Variants in DSCAM observed in about 807,000 individuals in gnomAD.
The protein encoded by DSCAM is DS cell adhesion molecule.
In DSCAM, 47 loss-of-function variants were observed where a neutral mutation model predicts 217.7. The observed-to-expected ratio is 0.22, with a 90% CI of 0.17 to 0.28. The LOEUF is 0.28. Ranked by LOEUF, DSCAM falls within the 10% of genes least tolerant of loss-of-function variation. The probability of loss-of-function intolerance (pLI) is 1.00; values close to 1 mark genes in which losing one functional copy is unlikely to be tolerated. For missense variants in DSCAM, 2,080 were observed against 2,618.3 expected (o/e 0.79, Z 4.49); for synonymous variants, 1,056 against 1,015.3 (o/e 1.04, Z -0.76).
chr21:40,813,062 C>T (rs558671193), intron 1 of DSCAM, among the ~76,000 whole-genome samples: 49 of 152,178 alleles, frequency 3.2e-4, no homozygotes, highest in African/African-American at 1.1e-3. Flanking sequence ...AAATGGGTTT[C>T]GACATGTCTT....
intron 3 of DSCAM, among the ~76,000 whole-genome samples, chr21:40,648,134 T>G (rs752955661): frequency 1.3e-5 from 2 of 152,126 alleles, no homozygotes; most frequent in Non-Finnish European, 2.9e-5. Context: ...ACTGAAAAGA[T>G]TCAATAACTG....
At chr21:40,405,494 T>C (rs1212568561) in intron 3 of DSCAM, among the ~76,000 whole-genome samples, 1 of 152,100 alleles carries the variant, frequency 6.6e-6, no homozygotes, top group African/African-American at 2.4e-5. Flanking sequence ...AAAGGGAACA[T>C]AGTGAAATGG....
chr21:40,557,520 A>G (rs1227109351), intron 3 of DSCAM, among the ~76,000 whole-genome samples: 2 of 151,840 alleles, frequency 1.3e-5, no homozygotes, highest in Admixed American at 6.6e-5. Context: ...GGGCCCGGCT[A>G]ATTTTTTGTA....
chr21:40,602,643 A>G (rs2146263870), intron 3 of DSCAM, among the ~76,000 whole-genome samples: 1 of 152,210 alleles, frequency 6.6e-6, no homozygotes, highest in South Asian at 2.1e-4. Flanking sequence ...CCCTTTAATT[A>G]TTATCCTTTT....
At chr21:40,358,644 T>TA in intron 4 of DSCAM, among the ~76,000 whole-genome samples, 1 of 151,848 alleles carries the variant, frequency 6.6e-6, no homozygotes. Flanking sequence ...CCGTCTCTAC[T>TA]AAAAATACAA....
intron 3 of DSCAM, among the ~76,000 whole-genome samples, chr21:40,418,898 C>T (rs1211414127): frequency 4.6e-5 from 7 of 151,992 alleles, no homozygotes; most frequent in Admixed American, 2.0e-4. Context: ...ATGAACTGGA[C>T]ATGAATATTC....
intron 6 of DSCAM, 28 bp downstream of exon 6, chr21:40,347,642 G>C (rs776945391): frequency 5.6e-6 from 9 of 1,611,786 alleles, no homozygotes; most frequent in South Asian, 1.1e-5. Flanking sequence ...TTCTTTTTCA[G>C]CCATACCCTG....
At chr21:40,425,273 C>T (rs1376812908) in intron 3 of DSCAM, among the ~76,000 whole-genome samples, 2 of 152,024 alleles carry the variant, frequency 1.3e-5, no homozygotes, top group Non-Finnish European at 2.9e-5. Flanking sequence ...TGCCTGTAAT[C>T]CCAGCACTTT....
chr21:40,784,475 T>C (rs897628886), intron 1 of DSCAM, among the ~76,000 whole-genome samples: 2 of 152,206 alleles, frequency 1.3e-5, no homozygotes, highest in African/African-American at 4.8e-5. Context: ...TTATCAGCAG[T>C]GTGAAAACGG....
chr21:40,347,803 A>G lies in DSCAM; in HGVS notation c.1077T>C (p.Asn359=), dbSNP rs763904417. 5.6e-6 allele frequency: 9 copies of G among 1,614,094 alleles called. No homozygotes were observed. In the Admixed American group the frequency reaches 1.2e-4, roughly 21 times the overall value. ...RNGEILNPGK[N]VRITGINHEN... Reference sequence around the variant, plus strand: ...CGTGGTTGATCCCTGTGATCCTCACATTTTTTCCAGGGTTGAGGATTTCAC... The same window carrying G: ...CGTGGTTGATCCCTGTGATCCTCACGTTTTTTCCAGGGTTGAGGATTTCAC... The change falls in exon 6 of 33, where the codon AAT becomes AAC. Residue 359 remains asparagine (N), a synonymous_variant. Transcript: ENST00000400454.
chr21:40,560,978 G>C (rs2076716056), intron 3 of DSCAM, among the ~76,000 whole-genome samples: 1 of 152,128 alleles, frequency 6.6e-6, no homozygotes, highest in African/African-American at 2.4e-5. Flanking sequence ...AAAAATCCCA[G>C]AAAACAACTT....
chr21:40,644,369 A>G (rs1376139280), intron 3 of DSCAM, among the ~76,000 whole-genome samples: 4 of 152,210 alleles, frequency 2.6e-5, no homozygotes, highest in African/African-American at 7.2e-5. Context: ...ATAGCTAACC[A>G]ATGGTGAGGC....
At chr21:40,487,433 G>A (rs966998546) in intron 3 of DSCAM, among the ~76,000 whole-genome samples, 4 of 151,942 alleles carry the variant, frequency 2.6e-5, no homozygotes, top group Non-Finnish European at 4.4e-5. Context: ...TACTGCTATT[G>A]TCTCTCAGGC....
intron 6 of DSCAM, among the ~76,000 whole-genome samples, chr21:40,343,064 TTA>T (rs1460677950): frequency 6.6e-6 from 1 of 152,178 alleles, no homozygotes; most frequent in South Asian, 2.1e-4. Context: ...ATCTTATGTT[TTA>T]TGTTATTGTA....
intron 2 of DSCAM, among the ~76,000 whole-genome samples, chr21:40,704,776 C>T (rs927667459): frequency 1.3e-5 from 2 of 152,134 alleles, no homozygotes; most frequent in Non-Finnish European, 2.9e-5. Flanking sequence ...AGATTATATT[C>T]ATGTCTGTTC....
intron 22 of DSCAM, among the ~76,000 whole-genome samples, chr21:40,086,202 A>G (rs997098496): frequency 6.6e-6 from 1 of 152,210 alleles, no homozygotes; most frequent in East Asian, 1.9e-4. Flanking sequence ...AGTCACAATT[A>G]TTCATGATTT....
chr21:40,561,411 C>T (rs571289051), intron 3 of DSCAM, among the ~76,000 whole-genome samples: 11 of 152,274 alleles, frequency 7.2e-5, no homozygotes, highest in East Asian at 1.9e-4. Flanking sequence ...ATTTTCTCAC[C>T]GGCAGAAAGT....
At chr21:40,809,241 G>A (rs1244453371) in intron 1 of DSCAM, among the ~76,000 whole-genome samples, 5 of 152,136 alleles carry the variant, frequency 3.3e-5, no homozygotes, top group Admixed American at 1.3e-4. Context: ...GGACAGACTG[G>A]TAGCTCATAA....
At chr21:40,453,090 GTGAGAT>G (rs1730375501) in intron 3 of DSCAM, among the ~76,000 whole-genome samples, 1 of 124,304 alleles carries the variant, frequency 8.0e-6, no homozygotes, top group Admixed American at 8.3e-5. Flanking sequence ...GTGTGTGTGT[GTGAGAT>G]ATATGTGTAT....
Sources: gnomAD v4.1 joint callset for allele counts (sites outside exome capture counted in the v4.1 genomes callset) on GRCh38, gnomAD v4.1.1 for gene constraint, MANE v1.5 for transcripts, NCBI Gene and HGNC (gene_info 2026-07-23, HGNC 2026-07-21) for gene names.